AGBL1: variants seen among roughly 807,000 people sequenced by gnomAD.
AGBL1 encodes AGBL carboxypeptidase 1, also known as cytosolic carboxypeptidase 4.
A neutral mutation model predicts 118.9 loss-of-function variants in AGBL1; 130 were observed. The observed-to-expected ratio is 1.09, with a 90% CI of 0.95 to 1.26. AGBL1 has a LOEUF of 1.26. AGBL1 is among the 50% of genes most tolerant of loss of function. The pLI, the probability that AGBL1 is intolerant of heterozygous loss-of-function variation, is 0.00. For missense variants in AGBL1, 1,584 were observed against 1,298.1 expected (o/e 1.22, Z -3.38); for synonymous variants, 555 against 478.9 (o/e 1.16, Z -2.08).
intron 18 of AGBL1, among the ~76,000 whole-genome samples, chr15:86,413,405 A>C (rs2081648367): frequency 6.6e-6 from 1 of 152,164 alleles, no homozygotes; most frequent in Admixed American, 6.6e-5. Context: ...CAGATAACGC[A>C]GGATTGAGTG....
intron 18 of AGBL1, among the ~76,000 whole-genome samples, chr15:86,435,561 A>G (rs1237368526): frequency 6.6e-6 from 1 of 152,188 alleles, no homozygotes; most frequent in Admixed American, 6.5e-5. Flanking sequence ...CAAATTAGAG[A>G]TTTAAGGTTC....
At chr15:86,659,750 T>A (rs957395408) in intron 21 of AGBL1, among the ~76,000 whole-genome samples, 1 of 152,132 alleles carries the variant, frequency 6.6e-6, no homozygotes, top group Non-Finnish European at 1.5e-5. Context: ...AAGGTTTCAT[T>A]AAAAAATAAA....
intron 6 of AGBL1, among the ~76,000 whole-genome samples, chr15:86,242,839 C>T (rs149837928): frequency 1.2e-3 from 177 of 152,306 alleles, no homozygotes; most frequent in African/African-American, 4.1e-3. Context: ...ATTCAGGACA[C>T]CAACCACTTT....
chr15:86,703,068 T>G (rs8034290), intron 22 of AGBL1, among the ~76,000 whole-genome samples: 83,250 of 151,940 alleles, frequency 0.55, 23,823 homozygotes, highest in East Asian at 0.83. Context: ...TGTCTCAGAA[T>G]CCAAGAGAAT....
At chr15:86,175,479 T>A (rs2077470787) in intron 5 of AGBL1, among the ~76,000 whole-genome samples, 1 of 152,082 alleles carries the variant, frequency 6.6e-6, no homozygotes, top group Non-Finnish European at 1.5e-5. Context: ...CCTTTGTATT[T>A]TTTTAGTCTC....
chr15:86,663,072 A>G (rs2085574637), intron 21 of AGBL1, among the ~76,000 whole-genome samples: 1 of 152,158 alleles, frequency 6.6e-6, no homozygotes, highest in African/African-American at 2.4e-5. Flanking sequence ...TGGCGTGACT[A>G]TACCAATTGC....
intron 18 of AGBL1, among the ~76,000 whole-genome samples, chr15:86,504,918 CCTT>C (rs1261777446): frequency 1.3e-5 from 2 of 151,634 alleles, no homozygotes; most frequent in Non-Finnish European, 3.0e-5. Flanking sequence ...AAGCCTGAAG[CCTT>C]CCCTTTAGTG....
chr15:86,858,356 C>A lies in AGBL1; in HGVS notation c.3159-48731C>A, dbSNP rs576050475. 3.9e-5 allele frequency among the ~76,000 whole-genome samples: 6 copies of A among 152,192 alleles called. No individual in the cohort carries two copies. The East Asian group carries it at 9.7e-4, about 25-fold the overall frequency. On this transcript the variant is annotated intron_variant, in intron 22 of 22. Coordinates refer to ENST00000614907, the MANE Select transcript of AGBL1 (RefSeq NM_001386094.1). ...TCACTGGGAGTTTACCAGCCCAAAG[C>A]GTTATTCCTTTAACACTATGCTGGG...
At position 87,010,337 on chromosome 15, in the gene AGBL1, G is replaced by A. The variant is rs143775119; in HGVS notation, c.3324-18488G>A. The stretch of plus-strand genomic sequence containing the variant: ...CTCCTCCTTGCCTTCTGCCATAATT[G>A]TCAGGCCACCCCAGCCATGTGGAAC... On this transcript the variant is annotated intron_variant, in intron 24 of 24. Transcript: ENST00000441037. Among the ~76,000 whole-genome samples the A allele has an allele frequency of 1.4e-3, 212 of 152,182 alleles. 2 individuals are homozygous for A. Among genetic ancestry groups the A allele is most frequent in the African/African-American group, 4.8e-3 (199 of 41,520 alleles).
intron 22 of AGBL1, among the ~76,000 whole-genome samples, chr15:86,867,815 G>C (rs1246837755): frequency 1.3e-5 from 2 of 152,172 alleles, no homozygotes; most frequent in Non-Finnish European, 2.9e-5. Flanking sequence ...GGATAGGATT[G>C]ACTTTAAAGA....
chr15:86,370,019 G>C (rs934629501), intron 17 of AGBL1, among the ~76,000 whole-genome samples: 4 of 152,014 alleles, frequency 2.6e-5, no homozygotes, highest in Admixed American at 6.5e-5. Flanking sequence ...ATCAATCACC[G>C]GTTTTATGAG....
intron 21 of AGBL1, among the ~76,000 whole-genome samples, chr15:86,558,318 G>C (rs995503353): frequency 1.3e-5 from 2 of 152,118 alleles, no homozygotes; most frequent in African/African-American, 4.8e-5. Context: ...CAAAGCTATG[G>C]CTCCTCCCTA....
At chr15:86,507,060 T>C (rs1596201442) in intron 18 of AGBL1, among the ~76,000 whole-genome samples, 1 of 152,088 alleles carries the variant, frequency 6.6e-6, no homozygotes, top group East Asian at 1.9e-4. Flanking sequence ...ATAAAGATGT[T>C]TTGATTTCTC....
At chr15:86,700,502 CACACACACAA>C (rs199523713) in intron 22 of AGBL1, among the ~76,000 whole-genome samples, 10,180 of 136,342 alleles carry the variant, frequency 0.075, 559 homozygotes, top group East Asian at 0.23. Context: ...CACACACACA[CACACACACAA>C]AATCTCTCTT....
intron 22 of AGBL1, among the ~76,000 whole-genome samples, chr15:86,802,584 C>T (rs1025004296): frequency 6.6e-5 from 10 of 151,996 alleles, no homozygotes; most frequent in Admixed American, 1.3e-4. Context: ...TATGTTAACA[C>T]GTAAAAACAC....
intron 16 of AGBL1, among the ~76,000 whole-genome samples, chr15:86,289,904 G>A (rs1452201278): frequency 6.6e-6 from 1 of 152,166 alleles, no homozygotes; most frequent in African/African-American, 2.4e-5. Context: ...CATCTTTGGA[G>A]GGCCATTATT....
At chr15:86,887,431 C>A (rs2079986940) in intron 22 of AGBL1, among the ~76,000 whole-genome samples, 1 of 152,222 alleles carries the variant, frequency 6.6e-6, no homozygotes, top group Admixed American at 6.5e-5. Flanking sequence ...CTGAGCTCAA[C>A]AGGGCTTTTG....
At chr15:86,254,235 A>C (rs1253447951) in intron 7 of AGBL1, among the ~76,000 whole-genome samples, 3 of 152,228 alleles carry the variant, frequency 2.0e-5, no homozygotes, top group Non-Finnish European at 4.4e-5. Context: ...CCCACTGGCT[A>C]ATACTAAATG....
At chr15:86,257,070 C>T in intron 8 of AGBL1, 52 bp downstream of exon 8, 1 of 1,548,624 alleles carries the variant, frequency 6.5e-7, no homozygotes, top group Non-Finnish European at 8.8e-7. Context: ...GCATTTTGAC[C>T]ATGTTTCCCA....
Sources: allele counts gnomAD v4.1 joint callset (sites outside exome capture counted in the v4.1 genomes callset), GRCh38; gene constraint gnomAD v4.1.1; transcripts MANE v1.5; gene names NCBI Gene and HGNC (gene_info 2026-07-23, HGNC 2026-07-21).